The following OSBP2 variants were observed in gnomAD, a reference collection of about 807,000 sequenced individuals.
OSBP2 encodes oxysterol binding protein 2.
OSBP2 carries 66 observed loss-of-function variants against 96.0 expected under a neutral mutation model. That is an observed-to-expected ratio of 0.69 (90% confidence interval 0.56 to 0.84). The LOEUF (loss-of-function observed/expected upper bound fraction) is 0.84, where lower values mean the gene tolerates loss of function less well. Ranked by LOEUF, OSBP2 falls within the 40% of genes least tolerant of loss-of-function variation. OSBP2 has a pLI of 0.00. For missense variants in OSBP2, 1,038 were observed against 1,222.7 expected, an observed-to-expected ratio of 0.85 and a Z score of 2.25; for synonymous variants, 525 against 520.9, an observed-to-expected ratio of 1.01 and a Z score of -0.11.
chr22:30,798,901 C>G (rs1265509746), intron 2 of OSBP2, among the ~76,000 whole-genome samples: 2 of 151,588 alleles, frequency 1.3e-5, no homozygotes, highest in Non-Finnish European at 2.9e-5. Flanking sequence ...GTAGTCCCAG[C>G]TACTTGAGAG....
chr22:30,870,402 C>T lies in OSBP2; in HGVS notation c.854-27C>T. 2 of 1,611,910 alleles carry T rather than the reference C, an allele frequency of 1.2e-6. No homozygotes were observed. Among genetic ancestry groups the T allele is most frequent in the Non-Finnish European group, 1.7e-6 (2 of 1,179,490 alleles). On this transcript the variant is annotated intron_variant, in intron 2 of 13. Transcript: ENST00000332585. This position sits in a 1 kb window ranked among gnomAD's most constrained non-coding sequence, Gnocchi z 4.1. ...TTGGTACCACGTCTGTTCGTAATGACCGTAACAACTCTATTTTCTTCCACA... is the reference window on the plus strand; with the variant it reads ...TTGGTACCACGTCTGTTCGTAATGATCGTAACAACTCTATTTTCTTCCACA...
chr22:30,830,654 A>G (rs1158469131), intron 2 of OSBP2, among the ~76,000 whole-genome samples: 1 of 152,218 alleles, frequency 6.6e-6, no homozygotes, highest in Non-Finnish European at 1.5e-5. Flanking sequence ...CCTGTCCCCC[A>G]GCACACATGC....
rs921247146 is a variant in OSBP2, at chr22:30,871,321, C to T, written c.1107+639C>T. Among the ~76,000 whole-genome samples the T allele has an allele frequency of 6.6e-6, 1 of 152,142 alleles. No individual in the cohort carries two copies. The highest frequency in any genetic ancestry group is 1.5e-5 in the Non-Finnish European group (1 of 68,014). The stretch of plus-strand genomic sequence containing the variant: ...AGGACTGGGAGCCAGGAGGGTGTCT[C>T]GATGGTGGTAGGAGGATAGTGCTTG... On this transcript the variant is annotated intron_variant, in intron 3 of 13. Transcript: ENST00000332585. This position sits in a 1 kb window ranked among gnomAD's most constrained non-coding sequence, Gnocchi z 4.7.
chr22:30,731,721 G>A (rs2089782148), intron 1 of OSBP2: 1 of 154,580 alleles, frequency 6.5e-6, no homozygotes. Flanking sequence ...TTCCTTCCCT[G>A]AGCAGGAAGG....
chr22:30,864,560 C>T (rs1488211945), intron 2 of OSBP2, among the ~76,000 whole-genome samples: 1 of 152,144 alleles, frequency 6.6e-6, no homozygotes, highest in Non-Finnish European at 1.5e-5. Context: ...GGGTGCTGCT[C>T]CAGCCTTGCT....
chr22:30,785,938 T>A (rs1050277228), intron 2 of OSBP2, among the ~76,000 whole-genome samples: 36 of 152,120 alleles, frequency 2.4e-4, no homozygotes, highest in African/African-American at 8.7e-4. Context: ...GAACTGTGAG[T>A]CAATTAAACC....
chr22:30,833,785 A>G (rs966984835), intron 2 of OSBP2, among the ~76,000 whole-genome samples: 2 of 152,178 alleles, frequency 1.3e-5, no homozygotes, highest in Non-Finnish European at 2.9e-5. Flanking sequence ...GGACTTCATC[A>G]TCATATGCCA....
At chr22:30,724,463 C>T (rs1265326928) in intron 1 of OSBP2, among the ~76,000 whole-genome samples, 1 of 152,160 alleles carries the variant, frequency 6.6e-6, no homozygotes, top group Non-Finnish European at 1.5e-5. Flanking sequence ...TTAGGTGATC[C>T]ACCCACCTTG....
intron 2 of OSBP2, among the ~76,000 whole-genome samples, chr22:30,796,248 C>A (rs1192627714): frequency 6.6e-6 from 1 of 152,120 alleles, no homozygotes; most frequent in Non-Finnish European, 1.5e-5. Context: ...ATGCTGATCT[C>A]CTGGGCTGGA....
intron 1 of OSBP2, among the ~76,000 whole-genome samples, chr22:30,738,727 A>T (rs745494007): frequency 7.2e-5 from 11 of 151,904 alleles, no homozygotes; most frequent in Non-Finnish European, 1.3e-4. Flanking sequence ...TGCCCGGCTA[A>T]TTTTTGTATT....
chr22:30,755,826 C>T (rs1238836191), intron 2 of OSBP2, among the ~76,000 whole-genome samples: 2 of 152,218 alleles, frequency 1.3e-5, no homozygotes, highest in African/African-American at 4.8e-5. Flanking sequence ...GCCACTCATT[C>T]TTCCAAATCC....
At position 30,871,130 on chromosome 22, in the gene OSBP2, G is replaced by A. The variant is rs2039449185; in HGVS notation, c.1107+448G>A. On this transcript the variant is annotated intron_variant, in intron 3 of 13. Transcript: ENST00000332585. This position sits in a 1 kb window ranked among gnomAD's most constrained non-coding sequence, Gnocchi z 4.7. ...CTGTGCACAACAAGGGGAGGGTGTG[G>A]TGGGGGGCTGCAGTCGAGGGCTCCC... Among the ~76,000 whole-genome samples, 4 of 152,100 alleles carry A rather than the reference G, an allele frequency of 2.6e-5. No homozygotes were observed. Among genetic ancestry groups the A allele is most frequent in the Admixed American group, 2.6e-4 (4 of 15,278 alleles).
At chr22:30,861,464 G>T (rs1274961493) in intron 2 of OSBP2, among the ~76,000 whole-genome samples, 1 of 152,186 alleles carries the variant, frequency 6.6e-6, no homozygotes, top group Non-Finnish European at 1.5e-5. Flanking sequence ...GAGGAGAGAG[G>T]GGCCTACGGA....
At chr22:30,889,153 T>C in intron 5 of OSBP2, 24 bp from the exon 6 acceptor site, 3 of 1,609,122 alleles carry the variant, frequency 1.9e-6, no homozygotes, top group Non-Finnish European at 2.5e-6. Context: ...CATTAGTAAC[T>C]TGCCTCCCGC....
chr22:30,890,653 C>T lies in OSBP2; in HGVS notation c.1624-75C>T. 6.5e-7 allele frequency: 1 copy of T among 1,546,886 alleles called. No homozygotes were observed. Among genetic ancestry groups the T allele is most frequent in the South Asian group, 1.1e-5 (1 of 87,626 alleles). ...CTGTCTGAGCAGGGATGTCCCTGAACATCCGAGAAAAGCAAGGGCACCATG... is the reference window on the plus strand; with the variant it reads ...CTGTCTGAGCAGGGATGTCCCTGAATATCCGAGAAAAGCAAGGGCACCATG... On this transcript the variant is annotated intron_variant, in intron 7 of 13. Coordinates refer to ENST00000332585, the MANE Select transcript of OSBP2 (RefSeq NM_030758.4). This position sits in a 1 kb window ranked among gnomAD's most constrained non-coding sequence, Gnocchi z 4.4.
At position 30,758,936 on chromosome 22, in the gene OSBP2, G is replaced by A. The variant is rs562608587; in HGVS notation, c.853+17567G>A. Among the ~76,000 whole-genome samples the A allele has an allele frequency of 9.2e-5, 14 of 152,306 alleles. No homozygotes were observed. The South Asian group carries it at 1.2e-3, about 14-fold the overall frequency. ...TGTTTTCATGAACTCCTGGCTTCACGTTCAAGCCGCACATGGATGGATCTG... is the reference window on the plus strand; with the variant it reads ...TGTTTTCATGAACTCCTGGCTTCACATTCAAGCCGCACATGGATGGATCTG... On this transcript the variant is annotated intron_variant, in intron 2 of 13. Coordinates refer to ENST00000332585, the MANE Select transcript of OSBP2 (RefSeq NM_030758.4).
chr22:30,814,675 C>T (rs764096918), intron 2 of OSBP2, among the ~76,000 whole-genome samples: 15 of 152,044 alleles, frequency 9.9e-5, no homozygotes, highest in Admixed American at 8.5e-4. Flanking sequence ...GTGATCTGCC[C>T]GCCTTGGCCT....
intron 1 of OSBP2, among the ~76,000 whole-genome samples, chr22:30,739,626 T>C (rs917405360): frequency 4.0e-5 from 6 of 151,590 alleles, no homozygotes; most frequent in African/African-American, 1.5e-4. Context: ...AGGTGCACGC[T>C]ACCATGCCCG....
At chr22:30,703,202 C>G (rs2089191252) in intron 1 of OSBP2, among the ~76,000 whole-genome samples, 1 of 151,662 alleles carries the variant, frequency 6.6e-6, no homozygotes, top group African/African-American at 2.4e-5. Context: ...GAGATGGAGT[C>G]TCGCTGTGTT....
Sources: allele counts gnomAD v4.1 joint callset (sites outside exome capture counted in the v4.1 genomes callset), GRCh38; gene constraint gnomAD v4.1.1; non-coding constraint Gnocchi (gnomAD v3.1); transcripts MANE v1.5; gene names NCBI Gene and HGNC (gene_info 2026-07-23, HGNC 2026-07-21).